SLC24A2: variants seen among roughly 807,000 people sequenced by gnomAD.
SLC24A2 encodes sodium/potassium/calcium exchanger 2.
SLC24A2 carries 36 observed loss-of-function variants against 62.0 expected under a neutral mutation model. That is an observed-to-expected ratio of 0.58 (90% CI 0.44 to 0.77). The LOEUF (loss-of-function observed/expected upper bound fraction) is 0.77, where lower values mean the gene tolerates loss of function less well. Ranked by LOEUF, SLC24A2 falls within the 30% of genes least tolerant of loss-of-function variation. The probability of loss-of-function intolerance (pLI) is 0.00; values close to 1 mark genes in which losing one functional copy is unlikely to be tolerated. For synonymous variants in SLC24A2, 358 were observed against 294.0 expected (o/e 1.22, Z -2.23); for missense variants, 846 against 817.9 (o/e 1.03, Z -0.42).
At chr9:20,084,398 A>C in the SLC24A2 span, among the ~76,000 whole-genome samples, 1 of 152,126 alleles carries the variant, frequency 6.6e-6, no homozygotes, top group East Asian at 1.9e-4. Context: ...TGGCCATAAC[A>C]ATTGGGAAAC....
At chr9:20,211,445 G>C in the SLC24A2 span, among the ~76,000 whole-genome samples, 7,052 of 152,210 alleles carry the variant, frequency 0.046, 496 homozygotes, top group African/African-American at 0.15. Flanking sequence ...CCAGGAGGCA[G>C]AGGTTGCCGT....
chr9:19,641,853 G>A (rs1412010868), intron 2 of SLC24A2, among the ~76,000 whole-genome samples: 1 of 152,090 alleles, frequency 6.6e-6, no homozygotes, highest in African/African-American at 2.4e-5. Flanking sequence ...AGCTGTTCAA[G>A]CCAAAAAATT....
the SLC24A2 span, among the ~76,000 whole-genome samples, chr9:19,834,468 G>A: frequency 3.4e-3 from 512 of 152,176 alleles, 3 homozygotes; most frequent in African/African-American, 0.012. Context: ...TGGAAGACAG[G>A]GTATCAGCGA....
At chr9:19,869,433 T>C in the SLC24A2 span, among the ~76,000 whole-genome samples, 1 of 152,352 alleles carries the variant, frequency 6.6e-6, no homozygotes, top group South Asian at 2.1e-4. Flanking sequence ...GATTTTTTCT[T>C]TGTCCTCCAG....
At chr9:20,060,265 A>C in the SLC24A2 span, among the ~76,000 whole-genome samples, 2 of 152,096 alleles carry the variant, frequency 1.3e-5, no homozygotes, top group Non-Finnish European at 2.9e-5. Context: ...AAACTCTCCC[A>C]AAAAATAGAA....
At chr9:19,700,443 T>C (rs1820323259) in intron 2 of SLC24A2, among the ~76,000 whole-genome samples, 1 of 152,238 alleles carries the variant, frequency 6.6e-6, no homozygotes, top group Admixed American at 6.5e-5. Flanking sequence ...CTTTGTTTTT[T>C]TGATATGTTA....
chr9:20,048,950 T>C, the SLC24A2 span, among the ~76,000 whole-genome samples: 1 of 151,858 alleles, frequency 6.6e-6, no homozygotes, highest in Non-Finnish European at 1.5e-5. Flanking sequence ...TTTTTTATTA[T>C]TATTAAGTTT....
the SLC24A2 span, among the ~76,000 whole-genome samples, chr9:20,210,227 G>A: frequency 6.6e-6 from 1 of 152,186 alleles, no homozygotes; most frequent in South Asian, 2.1e-4. Flanking sequence ...CCCAGACCCA[G>A]CACCTGGCAG....
chr9:20,060,044 G>C, the SLC24A2 span, among the ~76,000 whole-genome samples: 5 of 151,944 alleles, frequency 3.3e-5, no homozygotes, highest in Non-Finnish European at 5.9e-5. Flanking sequence ...GAACAAGTTG[G>C]ATAACCTAGA....
intron 2 of SLC24A2, among the ~76,000 whole-genome samples, chr9:19,623,960 G>A (rs558265732): frequency 2.6e-5 from 4 of 152,306 alleles, no homozygotes; most frequent in East Asian, 1.9e-4. Context: ...CTCTAAAAAC[G>A]CTAATAGGGA....
chr9:20,224,451 T>C, the SLC24A2 span, among the ~76,000 whole-genome samples: 1 of 152,100 alleles, frequency 6.6e-6, no homozygotes, highest in Non-Finnish European at 1.5e-5. Flanking sequence ...CACTGACAAG[T>C]ATTGACATGG....
chr9:19,688,727 T>C (rs776574764), intron 2 of SLC24A2, among the ~76,000 whole-genome samples: 8 of 152,114 alleles, frequency 5.3e-5, no homozygotes, highest in Non-Finnish European at 1.0e-4. Flanking sequence ...TTGAATATTA[T>C]TTTACTGATA....
At chr9:19,667,756 C>T (rs1263504371) in intron 2 of SLC24A2, among the ~76,000 whole-genome samples, 2 of 152,174 alleles carry the variant, frequency 1.3e-5, no homozygotes, top group African/African-American at 4.8e-5. Flanking sequence ...TACTCCTTGC[C>T]CCAGCCTGCA....
intron 2 of SLC24A2, among the ~76,000 whole-genome samples, chr9:19,749,159 T>C (rs1311822023): frequency 6.6e-6 from 1 of 150,906 alleles, no homozygotes; most frequent in Non-Finnish European, 1.5e-5. Context: ...TGAGAAAGGT[T>C]AAAATAGACA....
chr9:20,257,170 T>A, the SLC24A2 span, among the ~76,000 whole-genome samples: 7 of 152,154 alleles, frequency 4.6e-5, no homozygotes, highest in African/African-American at 1.7e-4. Flanking sequence ...TGCCTAGAAA[T>A]TTTCCAAAGT....
intron 5 of SLC24A2, among the ~76,000 whole-genome samples, chr9:19,584,504 C>T (rs1233401905): frequency 6.6e-6 from 1 of 152,076 alleles, no homozygotes; most frequent in African/African-American, 2.4e-5. Context: ...GAAAGTTCCT[C>T]CACAAGAGAT....
intron 7 of SLC24A2, among the ~76,000 whole-genome samples, chr9:19,554,817 C>G (rs1486766254): frequency 6.6e-6 from 1 of 152,114 alleles, no homozygotes; most frequent in Non-Finnish European, 1.5e-5. Flanking sequence ...GTTTCTGACA[C>G]CCATCAAGGG....
the SLC24A2 span, among the ~76,000 whole-genome samples, chr9:20,104,697 A>T: frequency 6.6e-6 from 1 of 152,212 alleles, no homozygotes; most frequent in African/African-American, 2.4e-5. Context: ...CTCCTGAAGG[A>T]AGCACTAAAC....
At chr9:19,684,516 G>A (rs1445698989) in intron 2 of SLC24A2, among the ~76,000 whole-genome samples, 1 of 152,028 alleles carries the variant, frequency 6.6e-6, no homozygotes, top group African/African-American at 2.4e-5. Flanking sequence ...CACTACAAGT[G>A]AGCATAACAG....
Sources: allele counts gnomAD v4.1 joint callset (sites outside exome capture counted in the v4.1 genomes callset), GRCh38; gene constraint gnomAD v4.1.1; transcripts MANE v1.5; gene names NCBI Gene and HGNC (gene_info 2026-07-23, HGNC 2026-07-21).